The following CCSER1 variants were observed in gnomAD, a reference collection of about 807,000 sequenced individuals.
CCSER1 encodes coiled-coil serine rich protein 1.
Under a neutral mutation model 82.0 loss-of-function variants are expected in CCSER1, and 41 were observed. That is an observed-to-expected ratio of 0.50 (90% CI 0.39 to 0.65). The LOEUF (loss-of-function observed/expected upper bound fraction) is 0.65, where lower values mean the gene tolerates loss of function less well. Among genes scored for constraint, CCSER1 ranks in the 30% least tolerant of loss-of-function variants. CCSER1 has a pLI of 0.00. For synonymous variants in CCSER1, 414 were observed against 383.9 expected, an observed-to-expected ratio of 1.08 and a Z score of -0.92; for missense variants, 1,119 against 1,064.2, an observed-to-expected ratio of 1.05 and a Z score of -0.72.
chr4:91,399,214 A>G (rs1752174256), intron 10 of CCSER1, among the ~76,000 whole-genome samples: 1 of 151,888 alleles, frequency 6.6e-6, no homozygotes, highest in Non-Finnish European at 1.5e-5. Flanking sequence ...CATGCAAGAC[A>G]TGATAATTAA....
At chr4:90,929,621 T>G in intron 9 of CCSER1, among the ~76,000 whole-genome samples, 1 of 152,164 alleles carries the variant, frequency 6.6e-6, no homozygotes, top group East Asian at 1.9e-4. Context: ...GCCCTTTTGT[T>G]AAGAGAATGT....
intron 10 of CCSER1, among the ~76,000 whole-genome samples, chr4:91,195,587 A>G (rs1036148195): frequency 2.0e-5 from 3 of 152,218 alleles, no homozygotes; most frequent in African/African-American, 7.2e-5. Flanking sequence ...AAATCAGAAG[A>G]GGCTTAACCT....
chr4:91,461,679 T>G (rs1024796691), intron 10 of CCSER1, among the ~76,000 whole-genome samples: 2 of 152,202 alleles, frequency 1.3e-5, no homozygotes, highest in African/African-American at 2.4e-5. Flanking sequence ...GCATACCTAT[T>G]GGATTGATTT....
intron 3 of CCSER1, among the ~76,000 whole-genome samples, chr4:90,394,142 T>G (rs1022812533): frequency 2.6e-5 from 4 of 151,804 alleles, no homozygotes; most frequent in Non-Finnish European, 1.5e-5. Context: ...ATTCATTATT[T>G]CTGCCATTAG....
intron 9 of CCSER1, among the ~76,000 whole-genome samples, chr4:90,930,235 A>T (rs1729563167): frequency 6.6e-6 from 1 of 152,010 alleles, no homozygotes; most frequent in African/African-American, 2.4e-5. Flanking sequence ...TTAATTTCAA[A>T]TTTTTCTAAT....
chr4:90,195,601 ACT>A (rs1736443096), intron 1 of CCSER1, among the ~76,000 whole-genome samples: 2 of 151,990 alleles, frequency 1.3e-5, no homozygotes, highest in Admixed American at 1.3e-4. Context: ...GAAATTTCAG[ACT>A]CTGGGTGATA....
intron 6 of CCSER1, among the ~76,000 whole-genome samples, chr4:90,636,314 A>G (rs1436483929): frequency 2.0e-5 from 3 of 152,008 alleles, no homozygotes; most frequent in South Asian, 2.1e-4. Context: ...AAAGAAATAC[A>G]TATGACAGAT....
chr4:90,525,441 A>T lies in CCSER1; in HGVS notation c.1724+57087A>T, dbSNP rs571779409. Among the ~76,000 whole-genome samples the T allele has an allele frequency of 3.3e-5, 5 of 152,158 alleles. No individual in the cohort carries two copies. In the East Asian group the frequency reaches 7.7e-4, roughly 23 times the overall value. On this transcript the variant is annotated intron_variant, in intron 5 of 10. Transcript: ENST00000509176. ...GAAGAATTGATTTTAACAATTCTGT[A>T]TACTATTAATAGTAATGCTTCAGGC...
intron 10 of CCSER1, among the ~76,000 whole-genome samples, chr4:91,557,379 T>A (rs1012220346): frequency 4.6e-5 from 7 of 151,518 alleles, no homozygotes; most frequent in Admixed American, 3.3e-4. Flanking sequence ...CTCTTATTTT[T>A]TAAATTCATT....
At chr4:91,208,806 T>C (rs1736559268) in intron 10 of CCSER1, among the ~76,000 whole-genome samples, 1 of 151,998 alleles carries the variant, frequency 6.6e-6, no homozygotes, top group Admixed American at 6.6e-5. Flanking sequence ...CTTTGGGCAG[T>C]ATGACCATTT....
chr4:90,339,519 C>T (rs1177064827), intron 3 of CCSER1, among the ~76,000 whole-genome samples: 1 of 152,154 alleles, frequency 6.6e-6, no homozygotes, highest in African/African-American at 2.4e-5. Flanking sequence ...CAGTTATCTC[C>T]TATTATTTTA....
chr4:90,561,962 AAGG>A (rs556180718), intron 5 of CCSER1, among the ~76,000 whole-genome samples: 165 of 152,020 alleles, frequency 1.1e-3, no homozygotes, highest in African/African-American at 3.9e-3. Context: ...CTGAAGCGGG[AAGG>A]ATCACCTGAG....
At chr4:91,278,644 T>A (rs28839630) in intron 10 of CCSER1, among the ~76,000 whole-genome samples, 37,489 of 152,048 alleles carry the variant, frequency 0.25, 4,779 homozygotes, top group South Asian at 0.39. Flanking sequence ...CTTTAGCCAG[T>A]CTATATCTTT....
intron 10 of CCSER1, among the ~76,000 whole-genome samples, chr4:91,467,797 A>G (rs1229361917): frequency 2.0e-5 from 3 of 152,218 alleles, no homozygotes; most frequent in African/African-American, 7.2e-5. Context: ...CAAAACCACA[A>G]TGAGATACCA....
At chr4:91,196,178 C>CAAAAAAAAAAA (rs61336014) in intron 10 of CCSER1, among the ~76,000 whole-genome samples, 1 of 60,822 alleles carries the variant, frequency 1.6e-5, no homozygotes, top group African/African-American at 4.3e-5. Context: ...AACAGCGAGA[C>CAAAAAAAAAAA]AAAAAAAAAA....
intron 10 of CCSER1, among the ~76,000 whole-genome samples, chr4:91,279,240 T>A (rs1404934229): frequency 6.6e-6 from 1 of 152,148 alleles, no homozygotes; most frequent in East Asian, 1.9e-4. Context: ...TATAATGTCT[T>A]GGGAAGGCCT....
chr4:91,575,203 T>C (rs1163581128), intron 10 of CCSER1, among the ~76,000 whole-genome samples: 1 of 151,946 alleles, frequency 6.6e-6, no homozygotes, highest in African/African-American at 2.4e-5. Context: ...CCATACCATA[T>C]ACAAAGATCA....
chr4:91,537,749 C>T (rs1001958257), intron 10 of CCSER1, among the ~76,000 whole-genome samples: 2 of 151,826 alleles, frequency 1.3e-5, no homozygotes, highest in East Asian at 1.9e-4. Context: ...TAAAGCTTTA[C>T]ATCCCATAGC....
At chr4:91,505,724 G>A (rs1370809385) in intron 10 of CCSER1, among the ~76,000 whole-genome samples, 1 of 151,980 alleles carries the variant, frequency 6.6e-6, no homozygotes, top group East Asian at 1.9e-4. Flanking sequence ...CATGTTTGTT[G>A]GTGCATGAAT....
Sources: gnomAD v4.1 joint callset for allele counts (sites outside exome capture counted in the v4.1 genomes callset) on GRCh38, gnomAD v4.1.1 for gene constraint, MANE v1.5 for transcripts, NCBI Gene and HGNC (gene_info 2026-07-23, HGNC 2026-07-21) for gene names.